Variants in PTPRD observed in about 807,000 individuals in gnomAD.
PTPRD encodes the protein protein tyrosine phosphatase receptor type D, also known as receptor-type tyrosine-protein phosphatase delta.
In PTPRD, 34 loss-of-function variants were observed where a neutral mutation model predicts 214.5. The ratio of observed to expected loss-of-function variants is 0.16; its 90% CI spans 0.12 to 0.21. PTPRD has a LOEUF of 0.21. Ranked by LOEUF, PTPRD falls within the 10% of genes least tolerant of loss-of-function variation. The pLI is 1.00. For missense variants in PTPRD, 2,545 were observed against 2,398.7 expected (o/e 1.06, Z -1.27); for synonymous variants, 1,128 against 845.7 (o/e 1.33, Z -5.79).
chr9:9,778,071 A>G (rs2098812640), intron 5 of PTPRD, among the ~76,000 whole-genome samples: 1 of 152,214 alleles, frequency 6.6e-6, no homozygotes, highest in South Asian at 2.1e-4. Context: ...CTAGGAAGTG[A>G]CACTCCCATT....
intron 3 of PTPRD, among the ~76,000 whole-genome samples, chr9:10,147,409 C>A (rs1003989013): frequency 6.6e-6 from 1 of 152,002 alleles, no homozygotes; most frequent in African/African-American, 2.4e-5. Context: ...ATGTTTATTG[C>A]GGCATTATTC....
intron 14 of PTPRD, among the ~76,000 whole-genome samples, chr9:8,537,991 A>AG (rs1314949810): frequency 5.9e-5 from 9 of 151,998 alleles, no homozygotes; most frequent in Non-Finnish European, 1.2e-4. Flanking sequence ...AAACGCATTG[A>AG]GAAAAAAAAG....
chr9:8,995,334 G>A (rs968133745), intron 11 of PTPRD, among the ~76,000 whole-genome samples: 2 of 152,008 alleles, frequency 1.3e-5, no homozygotes, highest in African/African-American at 4.8e-5. Flanking sequence ...GTGATATGAT[G>A]TCTGAAATAT....
At chr9:8,708,826 A>C (rs984760770) in intron 12 of PTPRD, among the ~76,000 whole-genome samples, 10 of 152,182 alleles carry the variant, frequency 6.6e-5, no homozygotes, top group African/African-American at 2.4e-4. Flanking sequence ...CACATTAGCC[A>C]AGATGTGGAA....
chr9:10,065,151 G>GAA (rs1394724674), intron 3 of PTPRD, among the ~76,000 whole-genome samples: 3 of 147,146 alleles, frequency 2.0e-5, no homozygotes, highest in African/African-American at 7.4e-5. Context: ...TAGAAAGAAA[G>GAA]AAAGAAAGAA....
At chr9:8,392,328 G>C (rs1190837807) in intron 36 of PTPRD, among the ~76,000 whole-genome samples, 1 of 151,970 alleles carries the variant, frequency 6.6e-6, no homozygotes, top group Non-Finnish European at 1.5e-5. Flanking sequence ...CACATGACAA[G>C]TCTGGGCAAC....
chr9:9,065,482 G>A (rs1260854763), intron 10 of PTPRD, among the ~76,000 whole-genome samples: 2 of 152,178 alleles, frequency 1.3e-5, no homozygotes, highest in African/African-American at 2.4e-5. Flanking sequence ...GGAAGTGGGA[G>A]TAAGATACAC....
In PTPRD at chr9:9,021,425, A is replaced by C. The variant is rs184664091; in HGVS notation, c.-142-2690T>G. 1.9e-3 allele frequency among the ~76,000 whole-genome samples: 293 copies of C among 152,262 alleles called. 1 individual carries two copies. The highest frequency in any genetic ancestry group is 6.9e-3 in the African/African-American group (285 of 41,546). On this transcript the variant is annotated intron_variant, in intron 10 of 45. Coordinates refer to ENST00000381196, the MANE Select transcript of PTPRD (RefSeq NM_002839.4). ...TTTTGCCATTAAAAGTAATGGCATT[A>C]GTACTTGATAATAAATGATCAATGG...
chr9:8,842,053 T>A (rs868586183), intron 11 of PTPRD, among the ~76,000 whole-genome samples: 1 of 150,720 alleles, frequency 6.6e-6, no homozygotes, highest in Non-Finnish European at 1.5e-5. Context: ...TTCTGAAGTA[T>A]TTTTTTAAAC....
chr9:9,008,977 T>A (rs1268737614), intron 11 of PTPRD, among the ~76,000 whole-genome samples: 1 of 152,084 alleles, frequency 6.6e-6, no homozygotes, highest in African/African-American at 2.4e-5. Context: ...TACACTTAAA[T>A]GAAGAACTAA....
chr9:9,489,478 T>G (rs931853750), intron 8 of PTPRD, among the ~76,000 whole-genome samples: 1 of 152,058 alleles, frequency 6.6e-6, no homozygotes, highest in African/African-American at 2.4e-5. Context: ...AACAAAGTCT[T>G]AAACATACTC....
chr9:9,221,408 T>G (rs552491317), intron 9 of PTPRD, among the ~76,000 whole-genome samples: 9 of 152,172 alleles, frequency 5.9e-5, no homozygotes, highest in African/African-American at 2.2e-4. Flanking sequence ...TCTGTATTAG[T>G]TGGCTTGGGC....
At chr9:9,241,836 C>G (rs979630946) in intron 9 of PTPRD, among the ~76,000 whole-genome samples, 7 of 151,494 alleles carry the variant, frequency 4.6e-5, no homozygotes, top group African/African-American at 1.5e-4. Flanking sequence ...AGCATTTAGC[C>G]CATTTACACT....
intron 35 of PTPRD, among the ~76,000 whole-genome samples, chr9:8,426,477 G>A (rs903313094): frequency 6.6e-6 from 1 of 152,098 alleles, no homozygotes; most frequent in Non-Finnish European, 1.5e-5. Flanking sequence ...CCTTGCTATG[G>A]TCTCTTGGAA....
intron 9 of PTPRD, among the ~76,000 whole-genome samples, chr9:9,320,541 G>A (rs573336647): frequency 1.3e-5 from 2 of 152,176 alleles, no homozygotes; most frequent in Non-Finnish European, 2.9e-5. Flanking sequence ...ACTTACATCT[G>A]TAGTACACAC....
intron 5 of PTPRD, among the ~76,000 whole-genome samples, chr9:9,809,264 ATT>A (rs58701533): frequency 7.9e-4 from 93 of 118,180 alleles, no homozygotes; most frequent in Non-Finnish European, 9.6e-4. Context: ...GCCACAAGAG[ATT>A]TTTTTTTTTT....
intron 11 of PTPRD, among the ~76,000 whole-genome samples, chr9:8,959,394 A>G (rs934941071): frequency 8.6e-5 from 13 of 152,014 alleles, no homozygotes; most frequent in African/African-American, 3.1e-4. Flanking sequence ...ATAGTGGGGA[A>G]AGAAGAAATA....
intron 11 of PTPRD, among the ~76,000 whole-genome samples, chr9:8,831,635 G>C (rs989944218): frequency 1.3e-5 from 2 of 152,082 alleles, no homozygotes; most frequent in Non-Finnish European, 2.9e-5. Flanking sequence ...AAAATGTAAT[G>C]TCCTGAATGA....
At chr9:9,850,221 A>G (rs1483282498) in intron 5 of PTPRD, among the ~76,000 whole-genome samples, 2 of 152,166 alleles carry the variant, frequency 1.3e-5, no homozygotes, top group Non-Finnish European at 2.9e-5. Context: ...TGAAACGCTA[A>G]TCTTTCCTGT....
Sources: allele counts gnomAD v4.1 joint callset (sites outside exome capture counted in the v4.1 genomes callset), GRCh38; gene constraint gnomAD v4.1.1; transcripts MANE v1.5; gene names NCBI Gene and HGNC (gene_info 2026-07-23, HGNC 2026-07-21).